The following ANKRD36C variants were observed in gnomAD, a reference collection of about 807,000 sequenced individuals.
ANKRD36C encodes the protein ankyrin repeat domain-containing protein 36C.
Under a neutral mutation model 276.4 loss-of-function variants are expected in ANKRD36C, and 61 were observed. That is an observed-to-expected ratio of 0.22 (90% confidence interval 0.18 to 0.27). ANKRD36C has a LOEUF of 0.27. Ranked by LOEUF, ANKRD36C falls within the 10% of genes least tolerant of loss-of-function variation. The probability of loss-of-function intolerance (pLI) is 1.00; values close to 1 mark genes in which losing one functional copy is unlikely to be tolerated. For missense variants in ANKRD36C, 1,447 were observed against 2,032.3 expected (o/e 0.71, Z 5.54); for synonymous variants, 483 against 680.1 (o/e 0.71, Z 4.51).
chr2:95,902,393 AT>A (rs1364318305), intron 42 of ANKRD36C, among the ~76,000 whole-genome samples: 8 of 150,026 alleles, frequency 5.3e-5, no homozygotes, highest in African/African-American at 2.0e-4. Flanking sequence ...AATTATATAA[AT>A]GACTTCCTCT....
chr2:95,959,038 A>G (rs1286702303), intron 10 of ANKRD36C, among the ~76,000 whole-genome samples: 2 of 152,288 alleles, frequency 1.3e-5, no homozygotes, highest in African/African-American at 2.4e-5. Context: ...CTGCAATAAA[A>G]CAGTGTCTAT....
At chr2:95,988,602 C>G (rs1313130405) in intron 1 of ANKRD36C, among the ~76,000 whole-genome samples, 2 of 152,014 alleles carry the variant, frequency 1.3e-5, no homozygotes. Context: ...TGCATACATA[C>G]AGTTGGGAAG....
chr2:95,968,730 G>A (rs1221321072), intron 6 of ANKRD36C, among the ~76,000 whole-genome samples: 2 of 152,258 alleles, frequency 1.3e-5, no homozygotes, highest in Admixed American at 1.3e-4. Context: ...AGTACCACAA[G>A]GCTATTCCCC....
At chr2:95,931,852 AC>A (rs1677581205) in intron 24 of ANKRD36C, among the ~76,000 whole-genome samples, 2 of 130,902 alleles carry the variant, frequency 1.5e-5, no homozygotes, top group Non-Finnish European at 3.5e-5. Flanking sequence ...ACACACATAC[AC>A]ACACACACAC....
At position 95,991,494 on chromosome 2, in the gene ANKRD36C, G is replaced by C. The variant is rs771929395; in HGVS notation, c.197+18C>G. The C allele has an allele frequency of 2.5e-6, 4 of 1,574,946 alleles. No homozygotes were observed. Among genetic ancestry groups the C allele is most frequent in the Non-Finnish European group, 3.4e-6 (4 of 1,160,090 alleles). ...CCACAGGCCTCCTCCCGCAGCCCCG[G>C]CTCCCGGCCCCCATTACCTTTCCTT... On this transcript the variant is annotated intron_variant, in intron 1 of 66. Transcript: ENST00000456556.
chr2:95,895,844 G>A (rs1371448771), intron 44 of ANKRD36C, among the ~76,000 whole-genome samples: 2 of 150,878 alleles, frequency 1.3e-5, no homozygotes, highest in Non-Finnish European at 3.0e-5. Flanking sequence ...AAATAAAACC[G>A]TGTCAATATC....
intron 40 of ANKRD36C, among the ~76,000 whole-genome samples, chr2:95,913,801 C>G (rs1300305280): frequency 2.0e-5 from 3 of 151,352 alleles, no homozygotes; most frequent in Non-Finnish European, 4.4e-5. Flanking sequence ...CTCCTTCCAC[C>G]CTTACTGAAA....
intron 8 of ANKRD36C, among the ~76,000 whole-genome samples, chr2:95,961,606 C>G (rs1678461596): frequency 6.6e-6 from 1 of 152,024 alleles, no homozygotes; most frequent in Non-Finnish European, 1.5e-5. Flanking sequence ...CCTTGAAAAA[C>G]AAAGCCAATA....
intron 42 of ANKRD36C, 29 bp downstream of exon 45, chr2:95,910,511 G>A (rs749336089): frequency 5.3e-5 from 85 of 1,604,452 alleles, no homozygotes; most frequent in East Asian, 3.9e-4. Flanking sequence ...ACATTAACTC[G>A]TTCACAATAT....
At chr2:95,949,532 T>A in intron 16 of ANKRD36C, among the ~76,000 whole-genome samples, 1 of 152,252 alleles carries the variant, frequency 6.6e-6, no homozygotes, top group Non-Finnish European at 1.5e-5. Context: ...TCCATTCTTA[T>A]CCACTTTCAT....
chr2:95,871,883 C>CA (rs1675821900), intron 59 of ANKRD36C, among the ~76,000 whole-genome samples: 1 of 150,900 alleles, frequency 6.6e-6, no homozygotes, highest in Non-Finnish European at 1.5e-5. Flanking sequence ...TCTGATAAAA[C>CA]AGACTTTAAA....
exon 63 of ANKRD36C, chr2:95,855,686 T>C (rs1290149774): frequency 8.1e-6 from 13 of 1,612,132 alleles, no homozygotes; most frequent in African/African-American, 1.3e-5. Context: ...TTTCGAGGAC[T>C]CTGAACTTAC....
intron 19 of ANKRD36C, among the ~76,000 whole-genome samples, chr2:95,943,249 C>G (rs1468352945): frequency 1.3e-5 from 2 of 152,292 alleles, no homozygotes; most frequent in Non-Finnish European, 2.9e-5. Flanking sequence ...TTTGGGAGGC[C>G]GAGGCGGGCA....
downstream of ANKRD36C, among the ~76,000 whole-genome samples, chr2:95,850,314 AAAAC>A (rs371398260): frequency 2.0e-5 from 3 of 152,402 alleles, no homozygotes; most frequent in East Asian, 3.9e-4. Flanking sequence ...ATAATCTGAA[AAAAC>A]AAACAGGCAA....
chr2:95,889,103 A>C (rs11689832), intron 48 of ANKRD36C, among the ~76,000 whole-genome samples: 42,098 of 151,368 alleles, frequency 0.28, 6,748 homozygotes, highest in East Asian at 0.48. Context: ...TCAACAAAAC[A>C]AGTATCTCTG....
chr2:95,972,799 A>G lies in ANKRD36C; in HGVS notation c.799+5323T>C, dbSNP rs1229048684. ...AATAGAAATAATTATGCCAAAAAAT[A>G]ATGAAAAACAAGCAGCAATCCTATT... On this transcript the variant is annotated intron_variant, in intron 6 of 66. Transcript: ENST00000456556. 3.3e-5 allele frequency among the ~76,000 whole-genome samples: 5 copies of G among 152,196 alleles called. No homozygotes were observed. In the South Asian group the frequency reaches 8.3e-4, roughly 25 times the overall value.
At chr2:95,890,690 A>G (rs1380857325) in intron 46 of ANKRD36C, among the ~76,000 whole-genome samples, 1 of 151,612 alleles carries the variant, frequency 6.6e-6, no homozygotes, top group East Asian at 1.9e-4. Context: ...GATATCATCA[A>G]TTATCAACTT....
intron 47 of ANKRD36C, 32 bp downstream of exon 67, chr2:95,889,934 A>G (rs746598780): frequency 3.7e-6 from 6 of 1,609,458 alleles, no homozygotes; most frequent in Non-Finnish European, 5.1e-6. Flanking sequence ...TATACAGTTA[A>G]TAGTTCAAAA....
chr2:95,902,395 G>C (rs1389070821), intron 42 of ANKRD36C, among the ~76,000 whole-genome samples: 1 of 150,006 alleles, frequency 6.7e-6, no homozygotes, highest in Non-Finnish European at 1.5e-5. Flanking sequence ...TTATATAAAT[G>C]ACTTCCTCTT....
Sources: gnomAD v4.1 joint callset for allele counts (sites outside exome capture counted in the v4.1 genomes callset) on GRCh38, gnomAD v4.1.1 for gene constraint, MANE v1.5 for transcripts, NCBI Gene and HGNC (gene_info 2026-07-23, HGNC 2026-07-21) for gene names.